The following PCSK5 variants were observed in gnomAD, a reference collection of about 807,000 sequenced individuals.
The protein encoded by PCSK5 is proprotein convertase subtilisin/kexin type 5, also known as prohormone convertase 5.
A neutral mutation model predicts 233.2 loss-of-function variants in PCSK5; 129 were observed. That is an observed-to-expected ratio of 0.55 (90% CI 0.48 to 0.64). The LOEUF (loss-of-function observed/expected upper bound fraction) is 0.64. Ranked by LOEUF, PCSK5 falls within the 30% of genes least tolerant of loss-of-function variation. The pLI, the probability that PCSK5 is intolerant of heterozygous loss-of-function variation, is 0.00. For missense variants in PCSK5, 2,076 were observed against 2,430.1 expected, an observed-to-expected ratio of 0.85 and a Z score of 3.06; for synonymous variants, 825 against 879.2, an observed-to-expected ratio of 0.94 and a Z score of 1.09.
At chr9:75,996,200 A>C (rs1827015495) in intron 3 of PCSK5, among the ~76,000 whole-genome samples, 1 of 152,220 alleles carries the variant, frequency 6.6e-6, no homozygotes, top group African/African-American at 2.4e-5. Flanking sequence ...AGCTTAGGGA[A>C]TCCCAACTGA....
Position 76,351,626 on chromosome 9 carries a change from GAA to G in PCSK5, c.5067+700_5067+701del, listed in dbSNP as rs1189206524. ...GAGAAGAAAGAAAAAGAAAGAGAAAGAAAGAGAGAGAAAGAAGAAAGAAAGAG... is the reference window on the plus strand; with the variant it reads ...GAGAAGAAAGAAAAAGAAAGAGAAAGAGAGAGAGAAAGAAGAAAGAAAGAG... On this transcript the variant is annotated intron_variant, in intron 36 of 37. Transcript: ENST00000674117. Among the ~76,000 whole-genome samples, 65 of 141,976 alleles carry G rather than the reference GAA, an allele frequency of 4.6e-4. No individual in the cohort carries two copies. In the East Asian group the frequency reaches 0.012, roughly 27 times the overall value. 93.1% of individuals were successfully genotyped at this position (141,976 alleles called of 152,430 possible).
chr9:76,199,978 A>G (rs991590530), intron 20 of PCSK5, among the ~76,000 whole-genome samples: 4 of 152,082 alleles, frequency 2.6e-5, no homozygotes, highest in Admixed American at 6.6e-5. Flanking sequence ...ATTTCCAAAT[A>G]TATCTCTAAA....
At chr9:76,287,453 G>A (rs940237508) in intron 24 of PCSK5, 2 of 158,326 alleles carry the variant, frequency 1.3e-5, no homozygotes, top group Admixed American at 6.5e-5. Context: ...ACTTTGGCAT[G>A]TCATCTTTTT....
chr9:76,211,233 TTGAA>T (rs1449045703), intron 20 of PCSK5, among the ~76,000 whole-genome samples: 17 of 152,362 alleles, frequency 1.1e-4, no homozygotes, highest in African/African-American at 4.1e-4. Context: ...GATGAGTTAA[TTGAA>T]TGTTACTATC....
intron 35 of PCSK5, among the ~76,000 whole-genome samples, chr9:76,345,746 G>A (rs891487205): frequency 2.0e-5 from 3 of 151,012 alleles, no homozygotes; most frequent in African/African-American, 7.3e-5. Flanking sequence ...TTGAGACAGA[G>A]TCTCGCTTTG....
chr9:76,217,226 G>A (rs904055157), intron 20 of PCSK5, among the ~76,000 whole-genome samples: 1 of 152,212 alleles, frequency 6.6e-6, no homozygotes, highest in Non-Finnish European at 1.5e-5. Flanking sequence ...AAAGTTTGGA[G>A]CAATTGAACT....
chr9:76,067,008 C>A (rs1275733919), intron 5 of PCSK5, among the ~76,000 whole-genome samples: 1 of 152,148 alleles, frequency 6.6e-6, no homozygotes, highest in Non-Finnish European at 1.5e-5. Context: ...TGTCACATCC[C>A]CCTTCTGCAG....
intron 7 of PCSK5, among the ~76,000 whole-genome samples, chr9:76,093,080 CTTTTTTTT>C (rs71372045): frequency 2.6e-4 from 22 of 85,706 alleles, no homozygotes; most frequent in Admixed American, 1.9e-3. Context: ...TTGTCTTTCC[CTTTTTTTT>C]TTTTTTTTTT....
intron 24 of PCSK5, among the ~76,000 whole-genome samples, chr9:76,263,038 C>A (rs1827228049): frequency 6.6e-6 from 1 of 152,124 alleles, no homozygotes; most frequent in Non-Finnish European, 1.5e-5. Context: ...TGCTCACCTT[C>A]ACTGGCCATC....
Position 75,890,883 on chromosome 9 carries a change from G to A in PCSK5, c.-299G>A. 3.2e-6 allele frequency: 1 copy of A among 314,576 alleles called. No homozygotes were observed. Among genetic ancestry groups the A allele is most frequent in the Non-Finnish European group, 5.8e-6 (1 of 171,934 alleles). The allele number at this position is 314,576 out of a possible 1,614,324, so 19.5% of individuals were successfully genotyped here. The stretch of plus-strand genomic sequence containing the variant: ...AGCCGGGCGAAACCCAACTGCGGAG[G>A]ACGCCCGCCCCACTCAGCCTCCTCC... On this transcript the variant is annotated 5_prime_UTR_variant, in exon 1 of 38. Transcript: ENST00000674117.
intron 12 of PCSK5, among the ~76,000 whole-genome samples, chr9:76,159,477 C>G (rs2131818938): frequency 6.6e-6 from 1 of 152,334 alleles, no homozygotes; most frequent in East Asian, 1.9e-4. Context: ...TATCCCCTCC[C>G]CCACCATTAA....
chr9:76,066,756 C>G (rs1293518348), intron 5 of PCSK5, among the ~76,000 whole-genome samples: 3 of 152,144 alleles, frequency 2.0e-5, no homozygotes, highest in Non-Finnish European at 4.4e-5. Context: ...GTGTACCTAT[C>G]AGTTGTAAGC....
At chr9:76,353,045 A>G (rs1050311199) in intron 36 of PCSK5, among the ~76,000 whole-genome samples, 5 of 152,140 alleles carry the variant, frequency 3.3e-5, no homozygotes, top group African/African-American at 9.7e-5. Flanking sequence ...TATGAGTGCT[A>G]AGTAACAAAG....
At chr9:76,030,909 A>T (rs1271204602) in intron 5 of PCSK5, among the ~76,000 whole-genome samples, 1 of 152,142 alleles carries the variant, frequency 6.6e-6, no homozygotes, top group Non-Finnish European at 1.5e-5. Context: ...GCCATGGTTC[A>T]TTGAGTGCAG....
At chr9:76,277,978 G>A (rs545987829) in intron 24 of PCSK5, among the ~76,000 whole-genome samples, 1 of 152,282 alleles carries the variant, frequency 6.6e-6, no homozygotes, top group East Asian at 1.9e-4. Context: ...TACCCTGGGA[G>A]AATATGCATT....
chr9:75,944,771 G>A (rs535939970), intron 2 of PCSK5, among the ~76,000 whole-genome samples: 7 of 152,082 alleles, frequency 4.6e-5, no homozygotes, highest in South Asian at 2.1e-4. Context: ...TTTACCTTCC[G>A]GACATCCCCA....
intron 8 of PCSK5, among the ~76,000 whole-genome samples, chr9:76,102,877 C>T (rs1399056782): frequency 6.6e-6 from 1 of 152,118 alleles, no homozygotes; most frequent in African/African-American, 2.4e-5. Flanking sequence ...TTCAACTTAG[C>T]AAATAAATAT....
intron 35 of PCSK5, among the ~76,000 whole-genome samples, chr9:76,343,945 TAA>T (rs34043314): frequency 1.5e-4 from 22 of 150,048 alleles, no homozygotes; most frequent in South Asian, 2.1e-4. Context: ...TAGTCATGTT[TAA>T]AAAAAAAAAG....
chr9:75,961,178 G>C (rs1373831379), intron 2 of PCSK5, among the ~76,000 whole-genome samples: 2 of 152,166 alleles, frequency 1.3e-5, no homozygotes, highest in Non-Finnish European at 2.9e-5. Flanking sequence ...CACTGCATCG[G>C]GTGCCTCTTA....
Sources: gnomAD v4.1 joint callset for allele counts (sites outside exome capture counted in the v4.1 genomes callset) on GRCh38, gnomAD v4.1.1 for gene constraint, MANE v1.5 for transcripts, NCBI Gene and HGNC (gene_info 2026-07-23, HGNC 2026-07-21) for gene names.